The following ZNF800 variants were observed in gnomAD, a reference collection of about 807,000 sequenced individuals.
ZNF800 encodes zinc finger protein 800.
Under a neutral mutation model 59.5 loss-of-function variants are expected in ZNF800, and 13 were observed. That is an observed-to-expected ratio of 0.22 (90% confidence interval 0.14 to 0.35). ZNF800 has a LOEUF of 0.35. ZNF800 is among the 10% of genes least tolerant of loss of function. The pLI is 1.00. For missense variants in ZNF800, 621 were observed against 783.7 expected (o/e 0.79, Z 2.48); for synonymous variants, 266 against 265.7 (o/e 1.00, Z -0.01).
At chr7:127,366,987 G>A (rs1041606835), downstream of ZNF800, among the ~76,000 whole-genome samples, 1 of 152,154 alleles carries the variant, frequency 6.6e-6, no homozygotes, top group African/African-American at 2.4e-5. Context: ...GGTGGAACGA[G>A]GCAGTTAAGA....
chr7:127,380,213 A>C lies in ZNF800; in HGVS notation c.158-2884T>G, dbSNP rs1336706270. Among the ~76,000 whole-genome samples, 4 of 152,148 alleles carry C rather than the reference A, an allele frequency of 2.6e-5. No homozygotes were observed. In the East Asian group the frequency reaches 7.7e-4, roughly 29 times the overall value. ...TAGCTTATCCACTGTTTTGTAATTA[A>C]TTTCTTTTCCATATCGCCATTAAAC... On this transcript the variant is annotated intron_variant, in intron 3 of 5. Transcript: ENST00000265827.
downstream of ZNF800, among the ~76,000 whole-genome samples, chr7:127,344,420 A>G (rs1800022010): frequency 6.6e-6 from 1 of 152,110 alleles, no homozygotes; most frequent in Non-Finnish European, 1.5e-5. Context: ...AAGAAATTTA[A>G]TATTACAAAG....
At chr7:127,367,389 G>A (rs957117473), downstream of ZNF800, among the ~76,000 whole-genome samples, 4 of 151,826 alleles carry the variant, frequency 2.6e-5, no homozygotes, top group African/African-American at 4.9e-5. Context: ...ACTAGTGTAA[G>A]TTTCTTACCA....
At chr7:127,357,159 TAAG>T (rs1800287383) in intron 1 of ZNF800, among the ~76,000 whole-genome samples, 1 of 152,024 alleles carries the variant, frequency 6.6e-6, no homozygotes, top group African/African-American at 2.4e-5. Context: ...ATTTCACTTT[TAAG>T]GAGACACAAA....
At chr7:127,373,081 G>A in intron 5 of ZNF800, 1 of 985,378 alleles carries the variant, frequency 1.0e-6, no homozygotes, top group Non-Finnish European at 1.2e-6. Flanking sequence ...GGAAAGCACT[G>A]ACCCTGTGCC....
chr7:127,389,167 T>C (rs1411768948), intron 2 of ZNF800, among the ~76,000 whole-genome samples: 1 of 151,752 alleles, frequency 6.6e-6, no homozygotes, highest in East Asian at 1.9e-4. Context: ...AGAGAGTAAG[T>C]GGAAGGTAGA....
chr7:127,392,377 G>A lies in ZNF800; in HGVS notation c.-376C>T. The A allele has an allele frequency of 2.6e-6, 1 of 381,142 alleles. No homozygotes were observed. Among genetic ancestry groups the A allele is most frequent in the East Asian group, 3.8e-5 (1 of 26,606 alleles). The allele number at this position is 381,142 out of a possible 1,614,324, so 23.6% of individuals were successfully genotyped here. A position where few individuals can be genotyped will look rare whatever the true frequency, so the allele number is the denominator to read the frequency against. On this transcript the variant is annotated 5_prime_UTR_variant, in exon 1 of 6. Coordinates refer to ENST00000265827, the MANE Select transcript of ZNF800 (RefSeq NM_176814.5). ...TGACAGGAGGAACCGCCCGGCAGCA[G>A]CTGCCGCCGCCACCACCGAAGGAGC...
intron 1 of ZNF800, chr7:127,362,872 C>A (rs932859523): frequency 6.6e-6 from 1 of 151,862 alleles, no homozygotes; most frequent in Non-Finnish European, 1.5e-5. Context: ...AACAACAGCA[C>A]GGAAGACAGA....
chr7:127,365,188 A>G (rs1374676593), downstream of ZNF800, among the ~76,000 whole-genome samples: 1 of 152,170 alleles, frequency 6.6e-6, no homozygotes, highest in Admixed American at 6.6e-5. Flanking sequence ...TAGCACTACC[A>G]TGAGTCTGAA....
intron 5 of ZNF800, among the ~76,000 whole-genome samples, chr7:127,372,195 T>C (rs1291964416): frequency 6.6e-6 from 1 of 152,086 alleles, no homozygotes; most frequent in East Asian, 1.9e-4. Context: ...GTAGTATTTT[T>C]TGGCCAGGCA....
chr7:127,348,398 A>G (rs1304071337), intron 1 of ZNF800, among the ~76,000 whole-genome samples: 4 of 149,330 alleles, frequency 2.7e-5, no homozygotes, highest in Non-Finnish European at 4.4e-5. Flanking sequence ...TGCAGTATCT[A>G]TAATAGAAAA....
chr7:127,350,843 A>G (rs539929501), intron 1 of ZNF800, among the ~76,000 whole-genome samples: 3 of 152,346 alleles, frequency 2.0e-5, no homozygotes, highest in African/African-American at 7.2e-5. Context: ...TGTTGCTGAC[A>G]TCACAGGTGC....
intron 3 of ZNF800, among the ~76,000 whole-genome samples, chr7:127,385,769 TG>T (rs1182094630): frequency 6.6e-6 from 1 of 152,098 alleles, no homozygotes; most frequent in Non-Finnish European, 1.5e-5. Context: ...AAGATATCAA[TG>T]GATCTTTAAG....
chr7:127,374,437 G>T lies in ZNF800; in HGVS notation c.899C>A (p.Ala300Glu). 1 of 1,613,874 alleles carries T rather than the reference G, an allele frequency of 6.2e-7. No homozygotes were observed. Among genetic ancestry groups the T allele is most frequent in the Non-Finnish European group, 8.5e-7 (1 of 1,179,944 alleles). ...TTCATCAAAATGCCTCCTTACATTCGCTTTTGTAGCAAATGATTTACAACA... is the reference window on the plus strand; with the variant it reads ...TTCATCAAAATGCCTCCTTACATTCTCTTTTGTAGCAAATGATTTACAACA... ...PVCCKSFATK[A>E]NVRRHFDEVH... The change falls in exon 5 of 6, where the codon GCG becomes GAG. Residue 300 changes from alanine to glutamate, a missense_variant. By Grantham distance (107) the Ala-to-Glu change is moderately radical. Coordinates refer to ENST00000265827, the MANE Select transcript of ZNF800 (RefSeq NM_176814.5).
At chr7:127,384,382 C>T (rs1052799765) in intron 3 of ZNF800, among the ~76,000 whole-genome samples, 29 of 151,344 alleles carry the variant, frequency 1.9e-4, no homozygotes, top group Admixed American at 1.9e-3. Flanking sequence ...TACAGGCGCC[C>T]GCCGCCGCCC....
At chr7:127,378,872 G>C (rs147868433) in intron 3 of ZNF800, among the ~76,000 whole-genome samples, 10 of 152,100 alleles carry the variant, frequency 6.6e-5, no homozygotes, top group African/African-American at 2.4e-4. Flanking sequence ...ACCTTAAAAA[G>C]CTTTATAATC....
rs530915403 is a variant in ZNF800 at position 127,373,764 on chromosome 7, G to A, written c.1572C>T (p.Cys524=). The part of the protein sequence containing the change: ...IYVKFYKCPL[C]TYETRRKRDV... ...CACGTTTCCGACGAGTTTCATAAGT[G>A]CAAAGAGGACACTTGTAGAATTTAA... Residue 524 remains cysteine (C), a synonymous_variant, in exon 5 of 6, where the codon TGC becomes TGT. Transcript: ENST00000265827. 5.6e-6 allele frequency: 9 copies of A among 1,614,130 alleles called. No individual in the cohort carries two copies. Among genetic ancestry groups the A allele is most frequent in the African/African-American group, 4.0e-5 (3 of 75,040 alleles).
chr7:127,385,946 T>C, intron 3 of ZNF800, 114 bp downstream of exon 3: 1 of 659,824 alleles, frequency 1.5e-6, no homozygotes, highest in Non-Finnish European at 2.5e-6. Context: ...AAATATTCTA[T>C]AAAGAAAGCC....
At chr7:127,347,384 G>C (rs907843793) in exon 2 of ZNF800, 1 of 150,714 alleles carries the variant, frequency 6.6e-6, no homozygotes, top group Non-Finnish European at 1.5e-5. Context: ...GTTGTGGCGG[G>C]GGGGTGGGGA....
Sources: gnomAD v4.1 joint callset for allele counts (sites outside exome capture counted in the v4.1 genomes callset) on GRCh38, gnomAD v4.1.1 for gene constraint, MANE v1.5 for transcripts, NCBI Gene and HGNC (gene_info 2026-07-23, HGNC 2026-07-21) for gene names.